The following RCOR2 variants were observed in gnomAD, a reference collection of about 807,000 sequenced individuals.
RCOR2 encodes the protein REST corepressor 2.
A neutral mutation model predicts 58.9 loss-of-function variants in RCOR2; 19 were observed. The observed-to-expected ratio is 0.32, with a 90% confidence interval of 0.23 to 0.47. The LOEUF (loss-of-function observed/expected upper bound fraction) is 0.47. RCOR2 is among the 20% of genes least tolerant of loss of function. The pLI, the probability that RCOR2 is intolerant of heterozygous loss-of-function variation, is 1.00. For synonymous variants in RCOR2, 286 were observed against 278.7 expected (o/e 1.03, Z -0.26); for missense variants, 590 against 707.9 (o/e 0.83, Z 1.89).
In RCOR2 at chr11:63,914,543, T is replaced by C; in HGVS notation, c.481-2A>G. On this transcript the variant is annotated splice_acceptor_variant, in intron 5 of 11. Transcript: ENST00000301459. LOFTEE classifies it high-confidence loss of function. Reference sequence around the variant, plus strand: ...GCTGGGAATCAACTTGTCAGGCAGCTGGAGGAGGCAACGCCAGAAGCTGGG... The same window carrying C: ...GCTGGGAATCAACTTGTCAGGCAGCCGGAGGAGGCAACGCCAGAAGCTGGG... 1 of 1,613,610 alleles carries C rather than the reference T, an allele frequency of 6.2e-7. No homozygotes were observed. Among genetic ancestry groups the C allele is most frequent in the Non-Finnish European group, 8.5e-7 (1 of 1,179,988 alleles).
chr11:63,912,626 T>C (rs1941787797), intron 10 of RCOR2, 50 bp downstream of exon 10: 2 of 1,597,714 alleles, frequency 1.3e-6, no homozygotes, highest in African/African-American at 2.7e-5. Context: ...CCTTGGAGGG[T>C]GGGGAGATAG....
chr11:63,915,661 G>T, intron 1 of RCOR2, 50 bp from the exon 2 acceptor site: 1 of 1,191,604 alleles, frequency 8.4e-7, no homozygotes, highest in South Asian at 1.3e-5. Context: ...GCGGGCGGGA[G>T]GGAGGATGTG....
the RCOR2 span, among the ~76,000 whole-genome samples, chr11:63,926,968 G>A: frequency 1.3e-5 from 2 of 151,934 alleles, no homozygotes; most frequent in South Asian, 2.1e-4. Flanking sequence ...ATTGCTAGGC[G>A]CATGCCACCA....
Position 63,916,334 on chromosome 11 carries a change from C to T in RCOR2, c.123G>A (p.Ser41=). 1 of 1,604,196 alleles carries T rather than the reference C, an allele frequency of 6.2e-7. No homozygotes were observed. Among genetic ancestry groups the T allele is most frequent in the Non-Finnish European group, 8.5e-7 (1 of 1,176,790 alleles). The change falls in exon 1 of 12, where the codon TCG becomes TCA. Residue 41 remains serine, a synonymous_variant. Coordinates refer to ENST00000301459, the MANE Select transcript of RCOR2 (RefSeq NM_173587.4). Reference sequence around the variant, plus strand: ...ACCCTAGGCCACCGGGCTCACCGTGCGAGTGCTCCTCCTCGCTGCTGTCAT... The same window carrying T: ...ACCCTAGGCCACCGGGCTCACCGTGTGAGTGCTCCTCCTCGCTGCTGTCAT... ...SEDDSSEEEH[S]HDSMIRVGTN... is the part of the protein sequence containing the mutation.
Position 63,914,827 on chromosome 11 carries a change from G to C in RCOR2, c.319-11C>G, listed in dbSNP as rs868498927. 1.9e-6 allele frequency: 3 copies of C among 1,584,936 alleles called. No individual in the cohort carries two copies. In the Middle Eastern group the frequency reaches 5.0e-4, roughly 265 times the overall value. On this transcript the variant is annotated splice_polypyrimidine_tract_variant and intron_variant, in intron 4 of 11. Transcript: ENST00000301459. ...AAGCATGCCCAGCGCCTGGCCCGGGGCAAGGGGCAGCTGAGCCTGAGCTGC... is the reference window on the plus strand; with the variant it reads ...AAGCATGCCCAGCGCCTGGCCCGGGCCAAGGGGCAGCTGAGCCTGAGCTGC...
Position 63,911,998 on chromosome 11 carries a change from A to C in RCOR2, c.1439T>G (p.Leu480Arg). The C allele has an allele frequency of 7.1e-7, 1 of 1,407,204 alleles. No homozygotes were observed. The allele number at this position is 1,407,204 out of a possible 1,614,324, so 87.2% of individuals were successfully genotyped here. ...AGGCGGTGGGGGCTGGTTGGGGGCC[A>C]GCCGGGGCTGGAGGAAGCGGCCCTG... ...LQQGRFLQPR[L>R]APNQPPPPLI... Residue 480 changes from leucine (L) to arginine (R), a missense_variant, in exon 12 of 12, where the codon CTG becomes CGG. Leu to Arg is a moderately radical substitution (Grantham distance 102). Around this residue, in one of 3 missense-constraint regions of RCOR2, gnomAD observed 196 missense variants for 210.7 expected, o/e 0.93. Transcript: ENST00000301459.
Position 63,916,603 on chromosome 11 carries a change from G to A in RCOR2, c.-147C>T, listed in dbSNP as rs1429474332. 4.4e-6 allele frequency: 6 copies of A among 1,361,738 alleles called. No homozygotes were observed. The highest frequency in any genetic ancestry group is 2.6e-5 in the East Asian group (1 of 38,518). 84.4% of individuals were successfully genotyped at this position (1,361,738 alleles called of 1,614,324 possible). ...CAGGAGGTCAGCGTGGCTAGGGTCC[G>A]GCGGGGTGGGAGCCCACCTGGTAGC... is the stretch of plus-strand genomic sequence containing the variant. On this transcript the variant is annotated 5_prime_UTR_variant, in exon 1 of 12. Coordinates refer to ENST00000301459, the MANE Select transcript of RCOR2 (RefSeq NM_173587.4).
In RCOR2 at chr11:63,912,995, G is replaced by C. The variant is rs776352488; in HGVS notation, c.892-48C>G. The C allele has an allele frequency of 2.0e-6, 3 of 1,528,632 alleles. No homozygotes were observed. The African/African-American group carries it at 4.1e-5, about 21-fold the overall frequency. 94.7% of individuals were successfully genotyped at this position (1,528,632 alleles called of 1,614,324 possible). ...GAATATCAGACTCCCATCTCAGGCA[G>C]GCCACTATGCCCCTCACAGGACCCT... is the stretch of plus-strand genomic sequence containing the variant. On this transcript the variant is annotated intron_variant, in intron 8 of 11. Coordinates refer to ENST00000301459, the MANE Select transcript of RCOR2 (RefSeq NM_173587.4).
Position 63,913,877 on chromosome 11 carries a change from C to T in RCOR2, c.891+77G>A. The T allele has an allele frequency of 2.2e-6, 3 of 1,360,314 alleles. No homozygotes were observed. The South Asian group carries it at 3.5e-5, about 16-fold the overall frequency. 84.3% of individuals were successfully genotyped at this position (1,360,314 alleles called of 1,614,324 possible). A position where few individuals can be genotyped will look rare whatever the true frequency, so the allele number is the denominator to read the frequency against. On this transcript the variant is annotated intron_variant, in intron 8 of 11. Transcript: ENST00000301459. ...GGCCCCTGAACCATCTCGCTTACAC[C>T]TCAGCTCCCCCTAGACTTCAGTTCC...
chr11:63,917,215 C>G (rs1941872823), upstream of RCOR2, among the ~76,000 whole-genome samples: 2 of 151,974 alleles, frequency 1.3e-5, no homozygotes, highest in South Asian at 4.1e-4. Context: ...CACCCCTCCC[C>G]CAGCCGATGC....
intron 5 of RCOR2, 28 bp from the exon 6 acceptor site, chr11:63,914,569 G>T: frequency 6.2e-7 from 1 of 1,612,892 alleles, no homozygotes; most frequent in Non-Finnish European, 8.5e-7. Context: ...AGAAGCTGGG[G>T]ACCACTCAAG....
the RCOR2 span, among the ~76,000 whole-genome samples, chr11:63,923,407 G>T: frequency 6.7e-6 from 1 of 148,212 alleles, no homozygotes; most frequent in East Asian, 2.0e-4. Flanking sequence ...AAAAAAAAAA[G>T]TGCTTCTTAA....
intron 1 of RCOR2, among the ~76,000 whole-genome samples, chr11:63,915,912 G>A (rs1482831727): frequency 5.9e-5 from 9 of 152,192 alleles, no homozygotes; most frequent in Admixed American, 2.0e-4. Context: ...GGGTTGGAGG[G>A]CAGCCCCTAG....
Position 63,914,141 on chromosome 11 carries a change from C to T in RCOR2, c.704G>A (p.Arg235His), listed in dbSNP as rs376063920. Reference protein sequence around the residue: ...EPLPSRPLNARPGPGKKEVQV... With the variant: ...EPLPSRPLNAHPGPGKKEVQV... ...GACCTCCTTTTTCCCAGGGCCTGGG[C>T]GTGCATTCAGGGGCCGAGAGGGTAG... is the stretch of plus-strand genomic sequence containing the variant. The change falls in exon 8 of 12, where the codon CGC becomes CAC. Residue 235 changes from arginine to histidine, a missense_variant. Physicochemically the swap from Arg to His is conservative, Grantham distance 29. Around this residue, in one of 3 missense-constraint regions of RCOR2, gnomAD observed 390 missense variants for 478.7 expected, o/e 0.81. Coordinates refer to ENST00000301459, the MANE Select transcript of RCOR2 (RefSeq NM_173587.4). 6.8e-6 allele frequency: 11 copies of T among 1,613,722 alleles called. No homozygotes were observed. The highest frequency in any genetic ancestry group is 1.7e-5 in the Admixed American group (1 of 60,002).
In RCOR2 at chr11:63,911,977, G is replaced by A. The variant is rs565254520; in HGVS notation, c.1460C>T (p.Pro487Leu). The change falls in exon 12 of 12, where the codon CCG (proline) becomes CTG (leucine). Residue 487 changes from proline (P) to leucine (L), a missense_variant. This residue lies in a region of RCOR2 where 196 missense variants were observed against 210.7 expected (regional missense o/e 0.93). Transcript: ENST00000301459. ...AGCCAGAGCGGGGCGGATGAGAGGCGGTGGGGGCTGGTTGGGGGCCAGCCG... is the reference window on the plus strand; with the variant it reads ...AGCCAGAGCGGGGCGGATGAGAGGCAGTGGGGGCTGGTTGGGGGCCAGCCG... ...QPRLAPNQPP[P>L]PLIRPALAAP... is the part of the protein sequence containing the mutation. The A allele has an allele frequency of 4.7e-5, 63 of 1,329,798 alleles. No individual in the cohort carries two copies. The highest frequency in any genetic ancestry group is 5.7e-5 in the Non-Finnish European group (57 of 1,001,760). The allele number at this position is 1,329,798 out of a possible 1,614,324, so 82.4% of individuals were successfully genotyped here.
upstream of RCOR2, among the ~76,000 whole-genome samples, chr11:63,918,297 C>T (rs1226228726): frequency 6.6e-6 from 1 of 152,230 alleles, no homozygotes; most frequent in Non-Finnish European, 1.5e-5. Context: ...GGGATCCCTG[C>T]CCCCACCCGC....
upstream of RCOR2, among the ~76,000 whole-genome samples, chr11:63,921,619 G>T (rs1941916099): frequency 6.6e-6 from 1 of 152,222 alleles, no homozygotes; most frequent in Admixed American, 6.5e-5. Context: ...CTCTAAAAGG[G>T]CAAGATGATC....
upstream of RCOR2, among the ~76,000 whole-genome samples, chr11:63,921,299 G>A (rs1006208804): frequency 2.6e-5 from 4 of 152,320 alleles, no homozygotes; most frequent in South Asian, 4.1e-4. Context: ...GGCGGTGACC[G>A]CATGGACCAA....
At position 63,912,508 on chromosome 11, in the gene RCOR2, C is replaced by T; in HGVS notation, c.1054G>A (p.Gly352Arg). Residue 352 changes from glycine (G) to arginine (R), a missense_variant, in exon 11 of 12, where the codon GGG becomes AGG. By Grantham distance (125) the Gly-to-Arg change is moderately radical. Transcript: ENST00000301459. The part of the protein sequence containing the change: ...QAIRRYGKDF[G>R]AIAEVIGNKT... ...TTCCCAATCACCTCTGCAATAGCCC[C>T]AAAGTCTTTGCCATACCTACGGATG... 6.2e-7 allele frequency: 1 copy of T among 1,613,908 alleles called. No homozygotes were observed. The highest frequency in any genetic ancestry group is 8.5e-7 in the Non-Finnish European group (1 of 1,179,896).
Sources: gnomAD v4.1 joint callset for allele counts (sites outside exome capture counted in the v4.1 genomes callset) on GRCh38, gnomAD v4.1.1 for gene constraint, gnomAD v4.1.1 regional missense constraint, MANE v1.5 for transcripts, NCBI Gene and HGNC (gene_info 2026-07-23, HGNC 2026-07-21) for gene names.